The following GRM8 variants were observed in gnomAD, a reference collection of about 807,000 sequenced individuals.
The protein encoded by GRM8 is glutamate metabotropic receptor 8, also known as metabotropic glutamate receptor 8.
GRM8 carries 47 observed loss-of-function variants against 87.2 expected under a neutral mutation model. The ratio of observed to expected loss-of-function variants is 0.54; its 90% CI spans 0.43 to 0.69. The LOEUF is 0.69. GRM8 is among the 30% of genes least tolerant of loss of function. The pLI, the probability that GRM8 is intolerant of heterozygous loss-of-function variation, is 0.00. For synonymous variants in GRM8, 396 were observed against 404.5 expected (o/e 0.98, Z 0.25); for missense variants, 1,019 against 1,139.2 (o/e 0.89, Z 1.52).
chr7:126,553,134 ATTC>A (rs1345332378), intron 8 of GRM8, among the ~76,000 whole-genome samples: 1 of 152,132 alleles, frequency 6.6e-6, no homozygotes, highest in African/African-American at 2.4e-5. Context: ...AGCTGCTGCT[ATTC>A]TTCTTCCTAA....
At chr7:126,952,700 T>C (rs1019581357) in intron 3 of GRM8, among the ~76,000 whole-genome samples, 4 of 151,922 alleles carry the variant, frequency 2.6e-5, no homozygotes, top group African/African-American at 9.7e-5. Flanking sequence ...CAAAAACACA[T>C]AACCTCAAAC....
At chr7:127,052,933 A>G (rs1819635337) in intron 3 of GRM8, among the ~76,000 whole-genome samples, 1 of 152,202 alleles carries the variant, frequency 6.6e-6, no homozygotes, top group Non-Finnish European at 1.5e-5. Context: ...ATGCCTACAA[A>G]GGGCGACTGA....
intron 7 of GRM8, among the ~76,000 whole-genome samples, chr7:126,618,126 A>G (rs1367149440): frequency 2.0e-5 from 3 of 152,224 alleles, no homozygotes; most frequent in Non-Finnish European, 4.4e-5. Context: ...ACTTCAAATT[A>G]TACTACAAGG....
intron 6 of GRM8, among the ~76,000 whole-genome samples, chr7:126,898,550 C>T (rs1375217836): frequency 2.0e-5 from 3 of 152,176 alleles, no homozygotes; most frequent in Non-Finnish European, 4.4e-5. Context: ...GGAGTAAACA[C>T]CATTTTCATT....
intron 6 of GRM8, among the ~76,000 whole-genome samples, chr7:126,810,693 T>C (rs1484934894): frequency 1.3e-5 from 2 of 152,112 alleles, no homozygotes; most frequent in Non-Finnish European, 2.9e-5. Context: ...ACTCTCCTGC[T>C]CCTACCAAAA....
At chr7:127,010,475 A>G (rs1814776354) in intron 3 of GRM8, among the ~76,000 whole-genome samples, 1 of 152,200 alleles carries the variant, frequency 6.6e-6, no homozygotes, top group Non-Finnish European at 1.5e-5. Flanking sequence ...GTCAGGAAGT[A>G]ACTATATATA....
chr7:126,748,815 C>A (rs1284080897), intron 7 of GRM8, among the ~76,000 whole-genome samples: 3 of 151,912 alleles, frequency 2.0e-5, no homozygotes, highest in Non-Finnish European at 4.4e-5. Context: ...AACAAGACAG[C>A]AAATCCAAAC....
intron 8 of GRM8, among the ~76,000 whole-genome samples, chr7:126,601,990 G>T (rs1198853894): frequency 7.4e-5 from 9 of 122,390 alleles, no homozygotes; most frequent in Admixed American, 5.9e-4. Flanking sequence ...TGGTGTTTTG[G>T]ACATGAAGTC....
intron 9 of GRM8, among the ~76,000 whole-genome samples, chr7:126,526,848 C>T (rs970353199): frequency 1.3e-5 from 2 of 152,170 alleles, no homozygotes; most frequent in Non-Finnish European, 2.9e-5. Flanking sequence ...TCTTCACAAG[C>T]ATATCATTTA....
At chr7:126,442,466 T>G (rs193243532) in intron 10 of GRM8, among the ~76,000 whole-genome samples, 115 of 152,090 alleles carry the variant, frequency 7.6e-4, no homozygotes, top group Non-Finnish European at 1.3e-3. Context: ...TGGAGAAAAA[T>G]TGTCATAAGA....
intron 3 of GRM8, among the ~76,000 whole-genome samples, chr7:127,042,057 T>C (rs1161795969): frequency 1.3e-5 from 2 of 152,152 alleles, no homozygotes; most frequent in African/African-American, 2.4e-5. Context: ...TTTAGCTTGA[T>C]TGTAGAAAGA....
intron 3 of GRM8, among the ~76,000 whole-genome samples, chr7:126,929,734 T>A (rs1805540051): frequency 1.4e-5 from 2 of 139,040 alleles, no homozygotes; most frequent in Admixed American, 1.5e-4. Context: ...ATTTCCAGCC[T>A]TAAATTTAAA....
chr7:126,825,948 T>C (rs902295700), intron 6 of GRM8, among the ~76,000 whole-genome samples: 5 of 145,300 alleles, frequency 3.4e-5, no homozygotes, highest in Middle Eastern at 3.2e-3. Context: ...TCAATTCCCA[T>C]CTATGAATGA....
chr7:127,137,740 T>G (rs1456039234), intron 2 of GRM8, among the ~76,000 whole-genome samples: 1 of 152,158 alleles, frequency 6.6e-6, no homozygotes, highest in Non-Finnish European at 1.5e-5. Context: ...AACAGAACTA[T>G]GAATCCTGAA....
chr7:126,988,267 T>C (rs1018252594), intron 3 of GRM8, among the ~76,000 whole-genome samples: 5 of 152,232 alleles, frequency 3.3e-5, no homozygotes, highest in African/African-American at 9.6e-5. Flanking sequence ...ACTTGTCAGT[T>C]AAACAGAGGA....
chr7:127,039,328 G>C (rs144873546), intron 3 of GRM8, among the ~76,000 whole-genome samples: 1 of 152,220 alleles, frequency 6.6e-6, no homozygotes, highest in African/African-American at 2.4e-5. Context: ...CAGACACAGA[G>C]AGAAGACCAA....
chr7:126,805,256 A>C (rs1456319521), intron 6 of GRM8, among the ~76,000 whole-genome samples: 1 of 152,042 alleles, frequency 6.6e-6, no homozygotes, highest in Non-Finnish European at 1.5e-5. Flanking sequence ...TGATCCCCCA[A>C]ACCCATCACA....
chr7:126,748,921 TAATATTGATA>T (rs1337750421), intron 7 of GRM8, among the ~76,000 whole-genome samples: 1 of 151,992 alleles, frequency 6.6e-6, no homozygotes, highest in East Asian at 1.9e-4. Flanking sequence ...GTAGAACAAT[TAATATTGATA>T]TTTTTAAGAT....
At chr7:126,473,029 G>T (rs1353684034) in intron 9 of GRM8, among the ~76,000 whole-genome samples, 2 of 152,188 alleles carry the variant, frequency 1.3e-5, no homozygotes, top group Admixed American at 1.3e-4. Context: ...GTGCTGCAGG[G>T]ATGGAGCCCT....
Sources: gnomAD v4.1 joint callset for allele counts (sites outside exome capture counted in the v4.1 genomes callset) on GRCh38, gnomAD v4.1.1 for gene constraint, MANE v1.5 for transcripts, NCBI Gene and HGNC (gene_info 2026-07-23, HGNC 2026-07-21) for gene names.